The following PEDS1 variants were observed in gnomAD, a reference collection of about 807,000 sequenced individuals.
PEDS1 encodes the protein plasmanylethanolamine desaturase 1.
In PEDS1, 14 loss-of-function variants were observed where a neutral mutation model predicts 35.2. The ratio of observed to expected loss-of-function variants is 0.40; its 90% CI spans 0.26 to 0.62. The LOEUF is 0.62. PEDS1 is among the 20% of genes least tolerant of loss of function. PEDS1 has a pLI of 0.44. For missense variants in PEDS1, 260 were observed against 367.8 expected (o/e 0.71, Z 2.40); for synonymous variants, 152 against 152.0 (o/e 1.00, Z 0.00).
chr20:50,148,573 G>T (rs1432300158), intron 1 of PEDS1, among the ~76,000 whole-genome samples: 1 of 152,184 alleles, frequency 6.6e-6, no homozygotes, highest in Non-Finnish European at 1.5e-5. Flanking sequence ...GAGGCCTGGG[G>T]TCATGCCTTT....
chr20:50,130,183 T>C (rs1266760818), intron 3 of PEDS1, among the ~76,000 whole-genome samples: 1 of 152,132 alleles, frequency 6.6e-6, no homozygotes, highest in Non-Finnish European at 1.5e-5. Context: ...AGTGACTGCC[T>C]GAGGGCCCAG....
intron 5 of PEDS1, among the ~76,000 whole-genome samples, 156 bp downstream of exon 5, chr20:50,127,819 C>A (rs1239995296): frequency 1.3e-5 from 2 of 152,200 alleles, no homozygotes; most frequent in Admixed American, 1.3e-4. Flanking sequence ...TAGTGCCTGG[C>A]ACACAGTAGG....
intron 2 of PEDS1, among the ~76,000 whole-genome samples, chr20:50,141,968 C>G (rs1292097984): frequency 6.6e-6 from 1 of 152,188 alleles, no homozygotes; most frequent in Non-Finnish European, 1.5e-5. Context: ...ACCAAGGGCA[C>G]AGCCGCCCCC....
At chr20:50,143,426 A>C in intron 2 of PEDS1, 76 bp downstream of exon 2, 1 of 1,546,836 alleles carries the variant, frequency 6.5e-7, no homozygotes. Context: ...ATGTGGACAC[A>C]CACACGCGCC....
chr20:50,133,787 G>C (rs1420749315), intron 2 of PEDS1, among the ~76,000 whole-genome samples: 1 of 152,182 alleles, frequency 6.6e-6, no homozygotes, highest in Non-Finnish European at 1.5e-5. Context: ...CATGGCACTT[G>C]TCATCCCCTG....
In PEDS1 at chr20:50,128,505, T is replaced by A. The variant is rs1033229694; in HGVS notation, c.479-318A>T. Among the ~76,000 whole-genome samples the A allele has an allele frequency of 6.6e-6, 1 of 152,142 alleles. No individual in the cohort carries two copies. Among genetic ancestry groups the A allele is most frequent in the African/African-American group, 2.4e-5 (1 of 41,422 alleles). ...TTCTTGGCAGTATGGGCTGGATCGG[T>A]GACTCTGCCTCTAAGAAGCTTAATT... On this transcript the variant is annotated intron_variant, in intron 4 of 5. Transcript: ENST00000371652. The surrounding 1 kb of genome is among the most constrained non-coding windows in gnomAD (Gnocchi z 5.2).
chr20:50,152,915 T>G (rs1250826456), intron 1 of PEDS1, among the ~76,000 whole-genome samples: 5 of 148,100 alleles, frequency 3.4e-5, no homozygotes, highest in African/African-American at 5.0e-5. Flanking sequence ...GATGGGGTTT[T>G]GGGGGAAGGG....
chr20:50,133,039 G>T (rs903608875), intron 2 of PEDS1, among the ~76,000 whole-genome samples: 1 of 152,188 alleles, frequency 6.6e-6, no homozygotes. Context: ...GGTTGTCCAA[G>T]ATTCTGAGTT....
chr20:50,140,733 G>A (rs2081284297), intron 2 of PEDS1, among the ~76,000 whole-genome samples: 1 of 152,060 alleles, frequency 6.6e-6, no homozygotes, highest in Non-Finnish European at 1.5e-5. Context: ...ACATCTTTTC[G>A]TGCTTCTGCC....
intron 5 of PEDS1, among the ~76,000 whole-genome samples, chr20:50,127,721 G>A (rs763346783): frequency 2.0e-5 from 3 of 152,156 alleles, no homozygotes; most frequent in Non-Finnish European, 2.9e-5. Flanking sequence ...CAATAAATAC[G>A]GGATGATGGG....
At chr20:50,143,366 G>C in intron 2 of PEDS1, 136 bp downstream of exon 2, 1 of 1,399,728 alleles carries the variant, frequency 7.1e-7, no homozygotes, top group South Asian at 1.4e-5. Context: ...CTGCAATAGG[G>C]AGGTGGGGTA....
intron 1 of PEDS1, chr20:50,151,363 T>TG: frequency 8.4e-7 from 1 of 1,186,120 alleles, no homozygotes; most frequent in African/African-American, 1.6e-5. Context: ...CGTGGTGGAG[T>TG]GGGGAAACAG....
At chr20:50,146,000 G>A (rs571408186) in intron 1 of PEDS1, among the ~76,000 whole-genome samples, 21 of 152,178 alleles carry the variant, frequency 1.4e-4, no homozygotes, top group South Asian at 2.1e-4. Flanking sequence ...CTCTCGCCCC[G>A]CTCTATCCTG....
intron 2 of PEDS1, among the ~76,000 whole-genome samples, chr20:50,135,822 T>C (rs930442316): frequency 1.3e-5 from 2 of 152,210 alleles, no homozygotes; most frequent in African/African-American, 4.8e-5. Context: ...ATTCAGATGG[T>C]AGGTGCTCTT....
In PEDS1 at chr20:50,124,345, C is replaced by T. The variant is rs1189510981; in HGVS notation, c.*713G>A. On this transcript the variant is annotated 3_prime_UTR_variant, in exon 6 of 6. Coordinates refer to ENST00000371652, the MANE Select transcript of PEDS1 (RefSeq NM_199129.4). Reference sequence around the variant, plus strand: ...GCCCTACTCTTCCTTCTCTGACATACTCTGGCCAGAGGGGATACCGTGTCC... The same window carrying T: ...GCCCTACTCTTCCTTCTCTGACATATTCTGGCCAGAGGGGATACCGTGTCC... The T allele has an allele frequency of 6.6e-6, 1 of 152,630 alleles. No individual in the cohort carries two copies. Among genetic ancestry groups the T allele is most frequent in the Non-Finnish European group, 1.5e-5 (1 of 68,064 alleles). The allele number at this position is 152,630 out of a possible 1,614,324, so 9.5% of individuals were successfully genotyped here.
intron 5 of PEDS1, among the ~76,000 whole-genome samples, chr20:50,127,679 C>T (rs1010504371): frequency 2.6e-5 from 4 of 152,146 alleles, no homozygotes; most frequent in Admixed American, 6.5e-5. Context: ...CAGGAGCCTA[C>T]GCCCAAAGCA....
In PEDS1 at chr20:50,128,069, G is replaced by A; in HGVS notation, c.597C>T (p.Val199=). 6.2e-7 allele frequency: 1 copy of A among 1,614,216 alleles called. No homozygotes were observed. Residue 199 remains valine, a synonymous_variant, in exon 5 of 6, where the codon GTC becomes GTT. Transcript: ENST00000371652. This position sits in a 1 kb window ranked among gnomAD's most constrained non-coding sequence, Gnocchi z 5.2. The part of the protein sequence containing the change: ...SHTYFGLPRW[V]TLLQDWHVIL... ...TGACATGCCAGTCCTGCAGGAGGGTGACCCAGCGTGGCAGCCCAAAGTACG... is the reference window on the plus strand; with the variant it reads ...TGACATGCCAGTCCTGCAGGAGGGTAACCCAGCGTGGCAGCCCAAAGTACG...
intron 1 of PEDS1, among the ~76,000 whole-genome samples, chr20:50,150,066 C>G (rs546915567): frequency 6.6e-6 from 1 of 152,106 alleles, no homozygotes; most frequent in South Asian, 2.1e-4. Context: ...GGCCTAACCC[C>G]GATCAGGGTG....
At position 50,128,229 on chromosome 20, in the gene PEDS1, G is replaced by A. The variant is rs1260389746; in HGVS notation, c.479-42C>T. On this transcript the variant is annotated intron_variant, in intron 4 of 5. Transcript: ENST00000371652. The surrounding 1 kb of genome is among the most constrained non-coding windows in gnomAD (Gnocchi z 5.2). ...GGGGGGGCCGGCACAGCTGTCACTC[G>A]GGACGGGGAACCCACCCCAAATGGC... is the stretch of plus-strand genomic sequence containing the variant. 5.0e-6 allele frequency: 8 copies of A among 1,608,252 alleles called. No individual in the cohort carries two copies. The African/African-American group carries it at 8.0e-5, about 16-fold the overall frequency.
Sources: allele counts gnomAD v4.1 joint callset (sites outside exome capture counted in the v4.1 genomes callset), GRCh38; gene constraint gnomAD v4.1.1; non-coding constraint Gnocchi (gnomAD v3.1); transcripts MANE v1.5; gene names NCBI Gene and HGNC (gene_info 2026-07-23, HGNC 2026-07-21).